Variants in ZKSCAN1 observed in about 807,000 individuals in gnomAD.
ZKSCAN1 encodes zinc finger protein with KRAB and SCAN domains 1.
In ZKSCAN1, 14 loss-of-function variants were observed where a neutral mutation model predicts 51.6. The observed-to-expected ratio is 0.27, with a 90% confidence interval of 0.18 to 0.42. The LOEUF (loss-of-function observed/expected upper bound fraction) is 0.42. Among genes scored for constraint, ZKSCAN1 ranks in the 10% least tolerant of loss-of-function variants. The pLI is 1.00. For synonymous variants in ZKSCAN1, 263 were observed against 261.5 expected (o/e 1.01, Z -0.06); for missense variants, 531 against 710.0 (o/e 0.75, Z 2.86).
intron 5 of ZKSCAN1, among the ~76,000 whole-genome samples, chr7:100,031,453 T>C (rs935284438): frequency 3.9e-5 from 6 of 151,992 alleles, no homozygotes; most frequent in Non-Finnish European, 8.8e-5. Flanking sequence ...AATTTTTACA[T>C]GTTCTGTAGA....
intron 3 of ZKSCAN1, among the ~76,000 whole-genome samples, chr7:100,025,623 G>A (rs1790798086): frequency 6.6e-6 from 1 of 152,186 alleles, no homozygotes; most frequent in Non-Finnish European, 1.5e-5. Flanking sequence ...AAGTGATTTT[G>A]TTGTGCGAAC....
intron 1 of ZKSCAN1, among the ~76,000 whole-genome samples, chr7:100,021,005 G>T (rs1288137166): frequency 1.3e-5 from 2 of 151,890 alleles, no homozygotes; most frequent in African/African-American, 4.8e-5. Flanking sequence ...AAACTAATCA[G>T]GTGGTGGCAT....
Position 100,040,098 on chromosome 7 carries a change from CAAACTT to C in ZKSCAN1, c.*5902_*5907del. 3.2e-6 allele frequency: 3 copies of C among 939,298 alleles called. No individual in the cohort carries two copies. Among genetic ancestry groups the C allele is most frequent in the Non-Finnish European group, 3.8e-6 (3 of 788,290 alleles). 58.2% of individuals were successfully genotyped at this position (939,298 alleles called of 1,614,324 possible). On this transcript the variant is annotated 3_prime_UTR_variant, in exon 6 of 6. Transcript: ENST00000324306. ...TTTTACTTTTCAAAGCTTTGTGAAA[CAAACTT>C]GAAGTTATAGGGAGGTAAGCCATCT...
Position 100,036,373 on chromosome 7 carries a change from T to C in ZKSCAN1, c.*2176T>C. 4.1e-6 allele frequency: 4 copies of C among 985,370 alleles called. No homozygotes were observed. In the South Asian group the frequency reaches 1.9e-4, roughly 46 times the overall value. The allele number at this position is 985,370 out of a possible 1,614,324, so 61.0% of individuals were successfully genotyped here. The stretch of plus-strand genomic sequence containing the variant: ...TTCTTCAAAGAATAAGCCACAGCAA[T>C]GGTTTTGTAGAAAACTCCTGTGCTT... On this transcript the variant is annotated 3_prime_UTR_variant, in exon 6 of 6. Transcript: ENST00000324306.
In ZKSCAN1 at chr7:100,040,446, CA is replaced by C; in HGVS notation, c.*6250del. 1 of 985,432 alleles carries C rather than the reference CA, an allele frequency of 1.0e-6. No individual in the cohort carries two copies. Among genetic ancestry groups the C allele is most frequent in the Non-Finnish European group, 1.2e-6 (1 of 829,922 alleles). 61.0% of individuals were successfully genotyped at this position (985,432 alleles called of 1,614,324 possible). The stretch of plus-strand genomic sequence containing the variant: ...AATGGAATTTTCTCCCTTCAGCAAG[CA>C]CTCATTAAGGAGTGAGGCTGAGTAT... On this transcript the variant is annotated 3_prime_UTR_variant, in exon 6 of 6. Coordinates refer to ENST00000324306, the MANE Select transcript of ZKSCAN1 (RefSeq NM_003439.4).
chr7:100,033,346 G>T lies in ZKSCAN1; in HGVS notation c.841G>T (p.Ala281Ser), dbSNP rs144801167. 38 of 1,613,476 alleles carry T rather than the reference G, an allele frequency of 2.4e-5. No homozygotes were observed. Among genetic ancestry groups the T allele is most frequent in the Middle Eastern group, 1.6e-4 (1 of 6,082 alleles). ...RNENEESTSK[A>S]ETSEDSASRG... ...TGAGAACGAGGAGTCAACCTCAAAG[G>T]CTGAAACCTCGGAAGATTCAGCATC... is the stretch of plus-strand genomic sequence containing the variant. The change falls in exon 6 of 6, where the codon GCT (alanine) becomes TCT (serine). Residue 281 changes from alanine (A) to serine (S), a missense_variant. This residue lies in a region of ZKSCAN1 where 403 missense variants were observed against 490.5 expected (regional missense o/e 0.82). Coordinates refer to ENST00000324306, the MANE Select transcript of ZKSCAN1 (RefSeq NM_003439.4). The surrounding 1 kb of genome is among the most constrained non-coding windows in gnomAD (Gnocchi z 4.1).
intron 1 of ZKSCAN1, among the ~76,000 whole-genome samples, chr7:100,016,134 T>TC (rs11391138): frequency 0.03 from 4,503 of 151,122 alleles, 197 homozygotes; most frequent in African/African-American, 0.098. Context: ...GGTGTCTTTT[T>TC]CCCCCCCCGG....
chr7:100,033,178 A>G lies in ZKSCAN1; in HGVS notation c.800-127A>G, dbSNP rs777888760. On this transcript the variant is annotated intron_variant, in intron 5 of 5. Transcript: ENST00000324306. The surrounding 1 kb of genome is among the most constrained non-coding windows in gnomAD (Gnocchi z 4.1). The stretch of plus-strand genomic sequence containing the variant: ...CAGAGCGAGACTCTGTCTCAAAGGA[A>G]ATAAAAATAAAAATATTGCAAAGTC... 2.1e-6 allele frequency: 3 copies of G among 1,425,834 alleles called. No individual in the cohort carries two copies. Among genetic ancestry groups the G allele is most frequent in the Non-Finnish European group, 2.8e-6 (3 of 1,088,772 alleles). 88.3% of individuals were successfully genotyped at this position (1,425,834 alleles called of 1,614,324 possible). A position where few individuals can be genotyped will look rare whatever the true frequency, so the allele number is the denominator to read the frequency against.
Position 100,037,006 on chromosome 7 carries a change from C to T in ZKSCAN1, c.*2809C>T. 2.0e-6 allele frequency: 2 copies of T among 985,448 alleles called. No homozygotes were observed. The highest frequency in any genetic ancestry group is 2.4e-6 in the Non-Finnish European group (2 of 829,932). The allele number at this position is 985,448 out of a possible 1,614,324, so 61.0% of individuals were successfully genotyped here. A position where few individuals can be genotyped will look rare whatever the true frequency, so the allele number is the denominator to read the frequency against. On this transcript the variant is annotated 3_prime_UTR_variant, in exon 6 of 6. Transcript: ENST00000324306. ...CTGCCACTAGGGTTGCTTCGATCTTCAGCCACATGCTGTCCTTGAAGCAGC... is the reference window on the plus strand; with the variant it reads ...CTGCCACTAGGGTTGCTTCGATCTTTAGCCACATGCTGTCCTTGAAGCAGC...
At chr7:100,042,942 C>T (rs950853559), downstream of ZKSCAN1, among the ~76,000 whole-genome samples, 7 of 151,798 alleles carry the variant, frequency 4.6e-5, no homozygotes, top group South Asian at 2.1e-4. Flanking sequence ...GGACTACAGG[C>T]GCCCGCCACT....
chr7:100,030,042 G>A, intron 4 of ZKSCAN1, 90 bp downstream of exon 4: 1 of 1,470,066 alleles, frequency 6.8e-7, no homozygotes, highest in South Asian at 1.2e-5. Context: ...CACTCTGGAT[G>A]CCCCTGCTCT....
chr7:100,024,139 C>A lies in ZKSCAN1; in HGVS notation c.427-15C>A, dbSNP rs1277170083. Reference sequence around the variant, plus strand: ...CAAAGTGATTTACCCACAAGCCCAACCTGTCTGTCTTCAGGTCCCAGGTCA... The same window carrying A: ...CAAAGTGATTTACCCACAAGCCCAAACTGTCTGTCTTCAGGTCCCAGGTCA... On this transcript the variant is annotated splice_polypyrimidine_tract_variant and intron_variant, in intron 2 of 5. Transcript: ENST00000324306. The A allele has an allele frequency of 1.9e-6, 3 of 1,602,754 alleles. No individual in the cohort carries two copies. The highest frequency in any genetic ancestry group is 8.5e-7 in the Non-Finnish European group (1 of 1,174,556).
chr7:100,033,523 A>C lies in ZKSCAN1; in HGVS notation c.1018A>C (p.Thr340Pro), dbSNP rs1435062500. 6.2e-7 allele frequency: 1 copy of C among 1,614,146 alleles called. No individual in the cohort carries two copies. The highest frequency in any genetic ancestry group is 8.5e-7 in the Non-Finnish European group (1 of 1,180,016). ...SGPAIGKDKK[T>P]ITGERGPREK... The stretch of plus-strand genomic sequence containing the variant: ...GCCAGCTATAGGAAAGGACAAAAAA[A>C]CCATCACAGGAGAGAGAGGTCCAAG... The change falls in exon 6 of 6, where the codon ACC becomes CCC. Residue 340 changes from threonine (T) to proline (P), a missense_variant. Thr to Pro is a conservative substitution (Grantham distance 38). Around this residue, in one of 2 missense-constraint regions of ZKSCAN1, gnomAD observed 403 missense variants for 490.5 expected, o/e 0.82. Coordinates refer to ENST00000324306, the MANE Select transcript of ZKSCAN1 (RefSeq NM_003439.4). This position sits in a 1 kb window ranked among gnomAD's most constrained non-coding sequence, Gnocchi z 4.1.
Position 100,015,723 on chromosome 7 carries a change from C to G in ZKSCAN1, c.-92C>G, listed in dbSNP as rs1327269163. The G allele has an allele frequency of 3.3e-5, 5 of 152,110 alleles. No individual in the cohort carries two copies. The highest frequency in any genetic ancestry group is 1.2e-4 in the African/African-American group (5 of 41,416). 9.4% of individuals were successfully genotyped at this position (152,110 alleles called of 1,614,324 possible). ...GCGCCCCCAGGCCGCTCCCGGGGCT[C>G]ACGGTGAGACTTGGGGCCGGCCTCT... On this transcript the variant is annotated 5_prime_UTR_variant, in exon 1 of 6. Coordinates refer to ENST00000324306, the MANE Select transcript of ZKSCAN1 (RefSeq NM_003439.4).
At chr7:100,027,173 T>G (rs1790875177) in intron 3 of ZKSCAN1, among the ~76,000 whole-genome samples, 1 of 152,028 alleles carries the variant, frequency 6.6e-6, no homozygotes, top group South Asian at 2.1e-4. Context: ...GGTGTACACC[T>G]GTAATCGCAG....
chr7:100,045,222 C>T (rs979389012), downstream of ZKSCAN1, among the ~76,000 whole-genome samples: 1 of 151,074 alleles, frequency 6.6e-6, no homozygotes, highest in African/African-American at 2.4e-5. Flanking sequence ...GCCTGGGCAA[C>T]ATGGCGAAAC....
chr7:100,024,411 T>C, intron 3 of ZKSCAN1, 104 bp downstream of exon 3: 15 of 1,388,748 alleles, frequency 1.1e-5, no homozygotes, highest in South Asian at 1.4e-5. Flanking sequence ...CTGGGCAACG[T>C]AGCGAGACCC....
At chr7:100,017,409 G>C (rs1010980392) in intron 1 of ZKSCAN1, among the ~76,000 whole-genome samples, 2 of 152,272 alleles carry the variant, frequency 1.3e-5, no homozygotes, top group African/African-American at 4.8e-5. Flanking sequence ...TTTTAGTAGA[G>C]ACAGAGTTTC....
intron 5 of ZKSCAN1, among the ~76,000 whole-genome samples, chr7:100,032,677 A>G (rs1791158294): frequency 6.6e-6 from 1 of 152,154 alleles, no homozygotes; most frequent in African/African-American, 2.4e-5. Context: ...TCTGGCCAAC[A>G]TGGTGAAACC....
Sources: allele counts gnomAD v4.1 joint callset (sites outside exome capture counted in the v4.1 genomes callset), GRCh38; gene constraint gnomAD v4.1.1; regional missense constraint gnomAD v4.1.1; non-coding constraint Gnocchi (gnomAD v3.1); transcripts MANE v1.5; gene names NCBI Gene and HGNC (gene_info 2026-07-23, HGNC 2026-07-21).